The following OLA1 variants were observed in gnomAD, a reference collection of about 807,000 sequenced individuals.
The protein encoded by OLA1 is Obg like ATPase 1.
A neutral mutation model predicts 48.4 loss-of-function variants in OLA1; 14 were observed. The observed-to-expected ratio is 0.29, with a 90% CI of 0.19 to 0.45. The LOEUF (loss-of-function observed/expected upper bound fraction) is 0.45, where lower values mean the gene tolerates loss of function less well. OLA1 is among the 20% of genes least tolerant of loss of function. The pLI, the probability that OLA1 is intolerant of heterozygous loss-of-function variation, is 1.00. For synonymous variants in OLA1, 127 were observed against 150.4 expected (o/e 0.84, Z 1.14); for missense variants, 325 against 467.1 (o/e 0.70, Z 2.80).
At position 174,205,313 on chromosome 2, in the gene OLA1, T is replaced by C. The variant is rs139667355; in HGVS notation, c.373+17720A>G. Among the ~76,000 whole-genome samples the C allele has an allele frequency of 9.1e-3, 1,384 of 152,166 alleles. 28 individuals are homozygous for C. The highest frequency in any genetic ancestry group is 0.017 in the Middle Eastern group (5 of 294). ...TGGGGAAAAAAACAAGTTAGGAAAA[T>C]GGGCGGAGAAGATTTCAAGACACCT... On this transcript the variant is annotated intron_variant, in intron 4 of 10. Transcript: ENST00000284719.
intron 5 of OLA1, among the ~76,000 whole-genome samples, chr2:174,134,291 G>A (rs888681721): frequency 2.0e-5 from 3 of 152,008 alleles, no homozygotes; most frequent in Non-Finnish European, 4.4e-5. Context: ...AGTAAATTTC[G>A]TTGAAGTTTT....
chr2:174,086,363 T>C (rs192524278), intron 7 of OLA1, among the ~76,000 whole-genome samples: 8 of 152,254 alleles, frequency 5.3e-5, no homozygotes, highest in Admixed American at 4.6e-4. Flanking sequence ...CTTATTCCTA[T>C]ATGGACACTA....
intron 7 of OLA1, among the ~76,000 whole-genome samples, chr2:174,089,750 A>G (rs1685063196): frequency 6.6e-6 from 1 of 151,820 alleles, no homozygotes; most frequent in Non-Finnish European, 1.5e-5. Flanking sequence ...AAAAATACAA[A>G]AATTATCCAG....
rs1460428209 is a variant in OLA1 at position 174,225,948 on chromosome 2, A to C, written c.246-2788T>G. Among the ~76,000 whole-genome samples, 5 of 40,290 alleles carry C rather than the reference A, an allele frequency of 1.2e-4. 1 individual carries two copies. Among genetic ancestry groups the C allele is most frequent in the African/African-American group, 3.8e-4 (5 of 13,062 alleles). The allele number at this position is 40,290 out of a possible 152,430, so 26.4% of individuals were successfully genotyped here. On this transcript the variant is annotated intron_variant, in intron 3 of 10. Coordinates refer to ENST00000284719, the MANE Select transcript of OLA1 (RefSeq NM_013341.5). ...GGTGGCTCACGCCTGTAATCCCAGCACTTTGGGAGGCCGAGGCGGGCGGAT... is the reference window on the plus strand; with the variant it reads ...GGTGGCTCACGCCTGTAATCCCAGCCCTTTGGGAGGCCGAGGCGGGCGGAT...
intron 3 of OLA1, 52 bp downstream of exon 3, chr2:174,229,256 T>C: frequency 6.5e-7 from 1 of 1,542,450 alleles, no homozygotes; most frequent in Admixed American, 1.8e-5. Context: ...ACTTTAAACA[T>C]CTGCCCAATC....
At chr2:174,131,671 A>G (rs1351699455) in intron 5 of OLA1, among the ~76,000 whole-genome samples, 2 of 152,132 alleles carry the variant, frequency 1.3e-5, no homozygotes, top group African/African-American at 4.8e-5. Context: ...ATCTCACCGT[A>G]GTCTGAATTT....
intron 5 of OLA1, among the ~76,000 whole-genome samples, chr2:174,133,477 C>T (rs536974450): frequency 2.0e-5 from 3 of 152,330 alleles, no homozygotes; most frequent in East Asian, 1.9e-4. Context: ...TCTCGTGCTT[C>T]GGCCTTCCAA....
intron 2 of OLA1, among the ~76,000 whole-genome samples, chr2:174,243,211 G>A (rs186893520): frequency 2.0e-5 from 3 of 152,212 alleles, no homozygotes; most frequent in East Asian, 3.9e-4. Context: ...GTTTCACCAC[G>A]CTGGTCAGGC....
At chr2:174,175,634 A>T (rs1687403232) in intron 4 of OLA1, among the ~76,000 whole-genome samples, 1 of 152,084 alleles carries the variant, frequency 6.6e-6, no homozygotes, top group Non-Finnish European at 1.5e-5. Context: ...AAAATGTTAC[A>T]GTCACTTTGG....
chr2:174,246,355 A>G (rs1689127344), intron 2 of OLA1, among the ~76,000 whole-genome samples: 1 of 152,166 alleles, frequency 6.6e-6, no homozygotes, highest in Non-Finnish European at 1.5e-5. Flanking sequence ...TTCTGCTCTC[A>G]GAACTTTCAG....
chr2:174,090,055 T>A (rs954912428), intron 7 of OLA1, among the ~76,000 whole-genome samples: 1 of 152,140 alleles, frequency 6.6e-6, no homozygotes, highest in African/African-American at 2.4e-5. Flanking sequence ...TAAATTTATA[T>A]CAAGTGAAAG....
chr2:174,091,869 CAAAAAAAAAAAAAAAAAAAAA>C (rs1174747360), intron 7 of OLA1, among the ~76,000 whole-genome samples: 742 of 22,966 alleles, frequency 0.032, 23 homozygotes, highest in African/African-American at 0.099. Context: ...GACTCTGCCT[CAAAAAAAAAAAAAAAAAAAAA>C]AAAAAAAAAA....
At chr2:174,112,286 T>A (rs987363883) in intron 7 of OLA1, among the ~76,000 whole-genome samples, 4 of 152,220 alleles carry the variant, frequency 2.6e-5, no homozygotes, top group Non-Finnish European at 5.9e-5. Flanking sequence ...TGACTGGTTA[T>A]GTAACTTTGG....
intron 7 of OLA1, among the ~76,000 whole-genome samples, chr2:174,099,042 C>A (rs1450864864): frequency 1.3e-5 from 2 of 152,068 alleles, no homozygotes; most frequent in African/African-American, 2.4e-5. Context: ...TGAGTGATCA[C>A]CCTGCAGTTT....
At chr2:174,078,469 A>G (rs1684794908) in intron 10 of OLA1, among the ~76,000 whole-genome samples, 1 of 151,956 alleles carries the variant, frequency 6.6e-6, no homozygotes. Flanking sequence ...ATAAAGCACA[A>G]TTTTGGACCT....
chr2:174,193,928 A>T (rs575270061), intron 4 of OLA1, among the ~76,000 whole-genome samples: 70 of 152,298 alleles, frequency 4.6e-4, no homozygotes, highest in African/African-American at 1.7e-3. Context: ...ATATAGCTGT[A>T]TCAGTTATCT....
intron 4 of OLA1, among the ~76,000 whole-genome samples, chr2:174,181,482 G>A (rs1413313030): frequency 6.6e-6 from 1 of 152,200 alleles, no homozygotes; most frequent in African/African-American, 2.4e-5. Flanking sequence ...GAGAGAAAAT[G>A]TGAAATACGT....
At chr2:174,154,307 G>A (rs946247121) in intron 4 of OLA1, among the ~76,000 whole-genome samples, 13 of 152,088 alleles carry the variant, frequency 8.5e-5, no homozygotes, top group Non-Finnish European at 1.6e-4. Flanking sequence ...CCTTCTGCCT[G>A]TAGAAATAGC....
At chr2:174,230,990 T>A (rs1470722874) in intron 2 of OLA1, among the ~76,000 whole-genome samples, 1 of 152,212 alleles carries the variant, frequency 6.6e-6, no homozygotes, top group East Asian at 1.9e-4. Context: ...GGATCCAGAC[T>A]TTATACACAT....
Sources: allele counts gnomAD v4.1 joint callset (sites outside exome capture counted in the v4.1 genomes callset), GRCh38; gene constraint gnomAD v4.1.1; transcripts MANE v1.5; gene names NCBI Gene and HGNC (gene_info 2026-07-23, HGNC 2026-07-21).